PDE1A: variants seen among roughly 807,000 people sequenced by gnomAD.
PDE1A encodes the protein phosphodiesterase 1A.
A neutral mutation model predicts 61.7 loss-of-function variants in PDE1A; 35 were observed. The observed-to-expected ratio is 0.57, with a 90% confidence interval of 0.43 to 0.75. The LOEUF (loss-of-function observed/expected upper bound fraction) is 0.75, where lower values mean the gene tolerates loss of function less well. PDE1A is among the 30% of genes least tolerant of loss of function. The probability of loss-of-function intolerance (pLI) is 0.00; values close to 1 mark genes in which losing one functional copy is unlikely to be tolerated. For missense variants in PDE1A, 597 were observed against 630.6 expected (o/e 0.95, Z 0.57); for synonymous variants, 232 against 213.2 (o/e 1.09, Z -0.77).
chr2:182,182,715 CCTT>C (rs2125380198), intron 13 of PDE1A, among the ~76,000 whole-genome samples: 1 of 151,938 alleles, frequency 6.6e-6, no homozygotes, highest in South Asian at 2.1e-4. Flanking sequence ...GCTTCACTGC[CCTT>C]CTTGTTGTTT....
Position 182,345,984 on chromosome 2 carries a change from A to G in PDE1A, c.53+80594T>C, listed in dbSNP as rs1280925500. Among the ~76,000 whole-genome samples the G allele has an allele frequency of 4.6e-5, 7 of 152,254 alleles. No individual in the cohort carries two copies. The East Asian group carries it at 1.3e-3, about 29-fold the overall frequency. On this transcript the variant is annotated intron_variant, in intron 1 of 13. Coordinates refer to ENST00000351439, the Ensembl canonical transcript of PDE1A. Reference sequence around the variant, plus strand: ...TGTGTCTGATTAAGTCAAATGAAGTAACACGAGAGTGAGGGTATCAGACAC... The same window carrying G: ...TGTGTCTGATTAAGTCAAATGAAGTGACACGAGAGTGAGGGTATCAGACAC...
At chr2:182,510,723 T>C (rs984347169) in intron 2 of PDE1A, among the ~76,000 whole-genome samples, 5 of 152,176 alleles carry the variant, frequency 3.3e-5, no homozygotes, top group Non-Finnish European at 7.3e-5. Flanking sequence ...AAATCCACTA[T>C]AAGGCTACCT....
chr2:182,347,025 T>G (rs1698559953), intron 1 of PDE1A, among the ~76,000 whole-genome samples: 1 of 152,132 alleles, frequency 6.6e-6, no homozygotes, highest in Admixed American at 6.6e-5. Flanking sequence ...GAAAATTATT[T>G]TGAAACCAAA....
the PDE1A span, among the ~76,000 whole-genome samples, chr2:182,573,978 C>T: frequency 6.8e-6 from 1 of 146,566 alleles, no homozygotes; most frequent in South Asian, 2.1e-4. Flanking sequence ...TTTATACACA[C>T]ACACACACAC....
chr2:182,154,645 C>T (rs1690969511), intron 13 of PDE1A, among the ~76,000 whole-genome samples: 1 of 152,160 alleles, frequency 6.6e-6, no homozygotes, highest in Non-Finnish European at 1.5e-5. Context: ...ATGTAAGCCA[C>T]ACCTTTGCTT....
intron 1 of PDE1A, among the ~76,000 whole-genome samples, chr2:182,336,960 CTT>C (rs71008221): frequency 9.6e-5 from 14 of 146,144 alleles, no homozygotes; most frequent in African/African-American, 2.8e-4. Context: ...ACATGTATCC[CTT>C]TTTTTTTTTT....
At chr2:182,590,906 C>A in the PDE1A span, among the ~76,000 whole-genome samples, 1 of 152,216 alleles carries the variant, frequency 6.6e-6, no homozygotes. Flanking sequence ...GGATCTAAGA[C>A]ATATTTCTAA....
intron 2 of PDE1A, among the ~76,000 whole-genome samples, chr2:182,246,068 A>G (rs922117675): frequency 1.3e-5 from 2 of 152,146 alleles, no homozygotes; most frequent in Admixed American, 1.3e-4. Context: ...TGCCTCTTTT[A>G]AAGTTTAAGT....
chr2:182,168,287 G>A (rs372556064), exon 14 of PDE1A: 19 of 1,576,844 alleles, frequency 1.2e-5, no homozygotes, highest in Non-Finnish European at 1.5e-5. Context: ...ACTGGTTCTT[G>A]CTTCTGAAAA....
intron 2 of PDE1A, among the ~76,000 whole-genome samples, chr2:182,453,259 A>G (rs1685646875): frequency 6.6e-6 from 1 of 152,014 alleles, no homozygotes; most frequent in Non-Finnish European, 1.5e-5. Context: ...GTCATTCATT[A>G]TGAAGCTGAT....
the PDE1A span, among the ~76,000 whole-genome samples, chr2:182,679,312 T>C: frequency 6.6e-6 from 1 of 150,898 alleles, no homozygotes; most frequent in South Asian, 2.1e-4. Context: ...GCCTCCCAAG[T>C]AGGTGGGACT....
At chr2:182,368,218 T>A (rs1699940780) in intron 1 of PDE1A, among the ~76,000 whole-genome samples, 1 of 152,132 alleles carries the variant, frequency 6.6e-6, no homozygotes, top group Non-Finnish European at 1.5e-5. Context: ...AATATCATTA[T>A]CGCATTTTAC....
chr2:182,568,150 A>C, the PDE1A span, among the ~76,000 whole-genome samples: 2 of 151,958 alleles, frequency 1.3e-5, no homozygotes, highest in Non-Finnish European at 2.9e-5. Flanking sequence ...TTTTTTGTAG[A>C]GTTTCCTTTA....
chr2:182,218,193 C>T (rs1261962091), intron 7 of PDE1A, among the ~76,000 whole-genome samples: 2 of 148,330 alleles, frequency 1.3e-5, no homozygotes, highest in African/African-American at 5.0e-5. Context: ...ACCGCATATT[C>T]TCACTCATAG....
At chr2:182,414,307 A>G (rs1193528063) in intron 1 of PDE1A, among the ~76,000 whole-genome samples, 1 of 152,176 alleles carries the variant, frequency 6.6e-6, no homozygotes, top group East Asian at 1.9e-4. Flanking sequence ...TAAGTTATGA[A>G]GATATCACCT....
chr2:182,342,794 A>C (rs1484682207), intron 1 of PDE1A, among the ~76,000 whole-genome samples: 1 of 152,242 alleles, frequency 6.6e-6, no homozygotes, highest in Non-Finnish European at 1.5e-5. Flanking sequence ...ATTACATAAC[A>C]TAATTTCATA....
chr2:182,597,900 C>T, the PDE1A span, among the ~76,000 whole-genome samples: 19 of 152,170 alleles, frequency 1.2e-4, no homozygotes, highest in East Asian at 1.9e-4. Flanking sequence ...GGCACTGAGG[C>T]GTTAAGAAAA....
At chr2:182,359,183 C>G (rs1655898857) in intron 1 of PDE1A, among the ~76,000 whole-genome samples, 1 of 152,094 alleles carries the variant, frequency 6.6e-6, no homozygotes, top group Non-Finnish European at 1.5e-5. Flanking sequence ...TTTAATAAAT[C>G]TAAGTTAACT....
the PDE1A span, among the ~76,000 whole-genome samples, chr2:182,671,598 G>T: frequency 2.0e-5 from 3 of 148,684 alleles, no homozygotes; most frequent in East Asian, 4.0e-4. Flanking sequence ...TTGCTCTGGT[G>T]GGGTGGTTGT....
Sources: gnomAD v4.1 joint callset for allele counts (sites outside exome capture counted in the v4.1 genomes callset) on GRCh38, gnomAD v4.1.1 for gene constraint, MANE v1.5 for transcripts, NCBI Gene and HGNC (gene_info 2026-07-23, HGNC 2026-07-21) for gene names.